SLC39A12: variants seen among roughly 807,000 people sequenced by gnomAD.
SLC39A12 encodes the protein zinc transporter ZIP12.
A neutral mutation model predicts 71.1 loss-of-function variants in SLC39A12; 63 were observed. The ratio of observed to expected loss-of-function variants is 0.89; its 90% CI spans 0.72 to 1.09. SLC39A12 has a LOEUF of 1.09. Ranked by LOEUF, SLC39A12 falls within the 50% of genes least tolerant of loss-of-function variation. The pLI is 0.00. For synonymous variants in SLC39A12, 351 were observed against 301.3 expected, an observed-to-expected ratio of 1.16 and a Z score of -1.71; for missense variants, 892 against 812.6, an observed-to-expected ratio of 1.10 and a Z score of -1.19.
chr10:17,962,421 C>T (rs1012335325), intron 3 of SLC39A12, among the ~76,000 whole-genome samples: 1 of 152,208 alleles, frequency 6.6e-6, no homozygotes, highest in Non-Finnish European at 1.5e-5. Context: ...CCAGCTCCCA[C>T]CTGGTCTCTG....
chr10:18,038,806 C>T (rs999503784), intron 12 of SLC39A12, among the ~76,000 whole-genome samples: 1 of 152,124 alleles, frequency 6.6e-6, no homozygotes, highest in Non-Finnish European at 1.5e-5. Flanking sequence ...GTGATTTGAT[C>T]GACCCAAATC....
intron 3 of SLC39A12, among the ~76,000 whole-genome samples, chr10:17,964,459 C>G (rs1352806850): frequency 6.6e-6 from 1 of 152,208 alleles, no homozygotes; most frequent in Non-Finnish European, 1.5e-5. Flanking sequence ...CTGGATCTCT[C>G]TTTTGATGAA....
chr10:18,028,560 C>A (rs1836745301), intron 12 of SLC39A12, among the ~76,000 whole-genome samples: 1 of 152,056 alleles, frequency 6.6e-6, no homozygotes, highest in African/African-American at 2.4e-5. Context: ...TGTGACAGGT[C>A]CTCCCTAGTA....
intron 2 of SLC39A12, among the ~76,000 whole-genome samples, chr10:17,959,712 G>T (rs1029426535): frequency 6.6e-6 from 1 of 152,100 alleles, no homozygotes; most frequent in African/African-American, 2.4e-5. Context: ...CTTCCCTCTT[G>T]CTGAGAAAGC....
chr10:18,006,382 A>G (rs918661717), intron 12 of SLC39A12, among the ~76,000 whole-genome samples: 3 of 152,234 alleles, frequency 2.0e-5, no homozygotes, highest in African/African-American at 7.2e-5. Flanking sequence ...GCACTGAAGC[A>G]TGGCTAAAGG....
At chr10:18,028,759 G>A (rs942941192) in intron 12 of SLC39A12, among the ~76,000 whole-genome samples, 3 of 151,642 alleles carry the variant, frequency 2.0e-5, no homozygotes, top group Admixed American at 6.6e-5. Flanking sequence ...TCACTCTATC[G>A]CCTAGGCTGG....
chr10:18,030,742 T>C (rs1260570381), intron 12 of SLC39A12, among the ~76,000 whole-genome samples: 1 of 149,668 alleles, frequency 6.7e-6, no homozygotes. Flanking sequence ...CTGCACCCAC[T>C]AACTCGTCAT....
At chr10:17,953,654 A>G (rs905530041) in intron 2 of SLC39A12, 117 bp downstream of exon 2, 7 of 1,186,362 alleles carry the variant, frequency 5.9e-6, no homozygotes, top group African/African-American at 1.5e-5. Flanking sequence ...TATGCAATTG[A>G]GCAATGCATT....
rs761592286 is a variant in SLC39A12, at chr10:17,981,378, G to A, written c.991G>A (p.Glu331Lys). The change falls in exon 6 of 13, where the codon GAG (glutamate) becomes AAG (lysine). Residue 331 changes from glutamate (E) to lysine (K), a missense_variant. Glu to Lys is a moderately conservative substitution (Grantham distance 56, BLOSUM62 1). Coordinates refer to ENST00000377369, the MANE Select transcript of SLC39A12 (RefSeq NM_001145195.2). ...GAAGGGCCTCTCACTCATTTCTAAG[G>A]AGGACTTTAAGCAAATGAGTCCAGG... ...LQKGLSLISK[E>K]DFKQMSPGII... 6.2e-7 allele frequency: 1 copy of A among 1,613,768 alleles called. No homozygotes were observed. The highest frequency in any genetic ancestry group is 8.5e-7 in the Non-Finnish European group (1 of 1,179,790).
chr10:18,016,592 T>A (rs1277221613), intron 12 of SLC39A12, among the ~76,000 whole-genome samples: 1 of 152,176 alleles, frequency 6.6e-6, no homozygotes, highest in East Asian at 1.9e-4. Flanking sequence ...ACATGATAAG[T>A]GTGTTTAGTT....
At chr10:17,983,515 G>A (rs1414343617) in intron 6 of SLC39A12, among the ~76,000 whole-genome samples, 2 of 151,990 alleles carry the variant, frequency 1.3e-5, no homozygotes, top group Non-Finnish European at 2.9e-5. Context: ...CGGGCACAGT[G>A]GCTTATGCCT....
intron 12 of SLC39A12, among the ~76,000 whole-genome samples, chr10:18,036,784 A>ATTTTT (rs1277319900): frequency 5.2e-4 from 4 of 7,682 alleles, no homozygotes; most frequent in African/African-American, 1.6e-3. Context: ...ATATATATAT[A>ATTTTT]TATATATATA....
chr10:17,998,050 G>A (rs1835734061), intron 10 of SLC39A12, among the ~76,000 whole-genome samples: 1 of 152,202 alleles, frequency 6.6e-6, no homozygotes, highest in Non-Finnish European at 1.5e-5. Flanking sequence ...CCAGGCTGGA[G>A]TACAGTGGGA....
At chr10:17,956,649 C>T (rs1554847811) in intron 2 of SLC39A12, among the ~76,000 whole-genome samples, 1 of 152,192 alleles carries the variant, frequency 6.6e-6, no homozygotes, top group Non-Finnish European at 1.5e-5. Flanking sequence ...CCCAGGCTCC[C>T]CTCCACTGTC....
Position 17,969,286 on chromosome 10 carries a change from G to A in SLC39A12, c.751+3596G>A, listed in dbSNP as rs575597966. Among the ~76,000 whole-genome samples, 7 of 152,164 alleles carry A rather than the reference G, an allele frequency of 4.6e-5. No individual in the cohort carries two copies. The South Asian group carries it at 8.3e-4, about 18-fold the overall frequency. ...GATATCTCTTCAATATACTAAGTTC[G>A]TTCTTTTGGGTATATACCCAGTGGT... On this transcript the variant is annotated intron_variant, in intron 4 of 12. Transcript: ENST00000377369.
intron 12 of SLC39A12, among the ~76,000 whole-genome samples, chr10:18,011,836 TG>T (rs1191449132): frequency 6.6e-6 from 1 of 152,244 alleles, no homozygotes; most frequent in Admixed American, 6.5e-5. Context: ...AACTGCTTCA[TG>T]AATTGCCTTG....
Position 17,973,129 on chromosome 10 carries a change from GT to G in SLC39A12, c.752-4772del, listed in dbSNP as rs1835017197. On this transcript the variant is annotated intron_variant, in intron 4 of 12. Coordinates refer to ENST00000377369, the MANE Select transcript of SLC39A12 (RefSeq NM_001145195.2). ...CAAAAAGAACATTAATAAAAACTTT[GT>G]GCCTTAATTGTGTCCCCCAACTTTT... Among the ~76,000 whole-genome samples, 6 of 152,098 alleles carry G rather than the reference GT, an allele frequency of 3.9e-5. No homozygotes were observed. In the South Asian group the frequency reaches 1.2e-3, roughly 32 times the overall value.
At chr10:17,954,215 G>A (rs10827902) in intron 2 of SLC39A12, among the ~76,000 whole-genome samples, 41,179 of 152,018 alleles carry the variant, frequency 0.27, 5,821 homozygotes, top group South Asian at 0.34. Flanking sequence ...TTACTTGCCT[G>A]GGATAGAACT....
At chr10:18,019,617 T>C (rs539133733) in intron 12 of SLC39A12, among the ~76,000 whole-genome samples, 11 of 152,220 alleles carry the variant, frequency 7.2e-5, no homozygotes, top group Non-Finnish European at 1.5e-4. Context: ...TTTATTTTCA[T>C]TCATTCGAAA....
Sources: gnomAD v4.1 joint callset for allele counts (sites outside exome capture counted in the v4.1 genomes callset) on GRCh38, gnomAD v4.1.1 for gene constraint, MANE v1.5 for transcripts, NCBI Gene and HGNC (gene_info 2026-07-23, HGNC 2026-07-21) for gene names.